AGTPBP1: variants seen among roughly 807,000 people sequenced by gnomAD.
AGTPBP1 encodes the protein ATP/GTP binding carboxypeptidase 1, also known as cytosolic carboxypeptidase 1.
AGTPBP1 carries 70 observed loss-of-function variants against 143.9 expected under a neutral mutation model. The ratio of observed to expected loss-of-function variants is 0.49; its 90% CI spans 0.40 to 0.59. The LOEUF (loss-of-function observed/expected upper bound fraction) is 0.59, where lower values mean the gene tolerates loss of function less well. AGTPBP1 is among the 20% of genes least tolerant of loss of function. AGTPBP1 has a pLI of 0.00. For synonymous variants in AGTPBP1, 463 were observed against 500.2 expected, an observed-to-expected ratio of 0.93 and a Z score of 0.99; for missense variants, 1,229 against 1,464.5, an observed-to-expected ratio of 0.84 and a Z score of 2.62.
intron 1 of AGTPBP1, among the ~76,000 whole-genome samples, chr9:85,724,081 G>A (rs1248651243): frequency 1.3e-5 from 2 of 152,092 alleles, no homozygotes; most frequent in Admixed American, 1.3e-4. Context: ...GAGGTCAGGA[G>A]TTCAAAACCA....
intron 1 of AGTPBP1, among the ~76,000 whole-genome samples, chr9:85,724,855 T>A (rs1260180579): frequency 1.3e-5 from 2 of 152,234 alleles, no homozygotes; most frequent in South Asian, 2.1e-4. Context: ...ATAAATTTTT[T>A]AATTAATGAA....
intron 8 of AGTPBP1, among the ~76,000 whole-genome samples, chr9:85,666,657 T>G (rs1834151927): frequency 6.6e-6 from 1 of 152,128 alleles, no homozygotes; most frequent in Admixed American, 6.5e-5. Flanking sequence ...ATGTGGTATA[T>G]TATAAAGATC....
chr9:85,643,072 T>G lies in AGTPBP1; in HGVS notation c.1186-129A>C, dbSNP rs577379666. 39 of 629,832 alleles carry G rather than the reference T, an allele frequency of 6.2e-5. No homozygotes were observed. In the East Asian group the frequency reaches 1.1e-3, roughly 18 times the overall value. The allele number at this position is 629,832 out of a possible 1,614,324, so 39.0% of individuals were successfully genotyped here. Reference sequence around the variant, plus strand: ...TAAAGAATAATTACTGAATAAATACTGCATTAATTTTATCTTAAATTCAAA... The same window carrying G: ...TAAAGAATAATTACTGAATAAATACGGCATTAATTTTATCTTAAATTCAAA... On this transcript the variant is annotated intron_variant, in intron 12 of 25. Coordinates refer to ENST00000357081, the MANE Select transcript of AGTPBP1 (RefSeq NM_001330701.2).
intron 13 of AGTPBP1, among the ~76,000 whole-genome samples, chr9:85,638,619 C>T (rs984048872): frequency 4.0e-5 from 6 of 151,646 alleles, no homozygotes; most frequent in Admixed American, 1.3e-4. Flanking sequence ...TCGAAGGATA[C>T]TGAAAAGTTA....
the AGTPBP1 span, among the ~76,000 whole-genome samples, chr9:85,796,405 T>A: frequency 6.6e-6 from 1 of 152,180 alleles, no homozygotes; most frequent in Non-Finnish European, 1.5e-5. Context: ...TTTTATGTTG[T>A]TAAAGTGAGA....
At chr9:85,721,490 C>CTTTTTT (rs56681803) in intron 1 of AGTPBP1, among the ~76,000 whole-genome samples, 1 of 133,184 alleles carries the variant, frequency 7.5e-6, no homozygotes, top group Admixed American at 7.5e-5. Context: ...GCAACCCCTG[C>CTTTTTT]TTTTTTTTTT....
At chr9:85,547,558 C>G (rs1018936638) in intron 25 of AGTPBP1, among the ~76,000 whole-genome samples, 3 of 152,116 alleles carry the variant, frequency 2.0e-5, no homozygotes, top group African/African-American at 7.2e-5. Flanking sequence ...ACAGTGAACT[C>G]TCTCATCAGG....
intron 11 of AGTPBP1, among the ~76,000 whole-genome samples, chr9:85,647,865 TAAAG>T (rs1424488981): frequency 6.6e-6 from 1 of 151,902 alleles, no homozygotes; most frequent in African/African-American, 2.4e-5. Flanking sequence ...GAAAGGAAAA[TAAAG>T]AATTAAAAAA....
Position 85,655,233 on chromosome 9 carries a change from G to C in AGTPBP1, c.997C>G (p.Leu333Val), listed in dbSNP as rs749981510. The C allele has an allele frequency of 5.6e-6, 9 of 1,604,616 alleles. No individual in the cohort carries two copies. The highest frequency in any genetic ancestry group is 7.7e-6 in the Non-Finnish European group (9 of 1,175,124). Residue 333 changes from leucine to valine, a missense_variant, in exon 11 of 26, where the codon CTC becomes GTC. Coordinates refer to ENST00000357081, the MANE Select transcript of AGTPBP1 (RefSeq NM_001330701.2). ...RKCFPKNRLP[L>V]PTIKSSFHFQ... ...TGAAAAGAACTTTTAATTGTTGGGA[G>C]TGGCAGTCGATTTTTTGGGAAACAC... is the stretch of plus-strand genomic sequence containing the variant.
At chr9:85,803,238 C>G in the AGTPBP1 span, among the ~76,000 whole-genome samples, 3 of 152,170 alleles carry the variant, frequency 2.0e-5, no homozygotes, top group Non-Finnish European at 4.4e-5. Flanking sequence ...GTCTTAAAGA[C>G]CCTACTACCT....
intron 14 of AGTPBP1, among the ~76,000 whole-genome samples, chr9:85,627,342 C>T (rs998993451): frequency 6.6e-6 from 1 of 152,150 alleles, no homozygotes; most frequent in African/African-American, 2.4e-5. Context: ...AGATGTCTCA[C>T]CACATATATG....
intron 17 of AGTPBP1, among the ~76,000 whole-genome samples, chr9:85,609,847 T>A (rs530559794): frequency 1.5e-5 from 2 of 130,108 alleles, no homozygotes; most frequent in African/African-American, 4.1e-5. Context: ...GGAAACCCAG[T>A]CTATACTGAT....
intron 11 of AGTPBP1, among the ~76,000 whole-genome samples, chr9:85,647,004 G>A (rs939700200): frequency 2.0e-5 from 3 of 152,102 alleles, no homozygotes; most frequent in Non-Finnish European, 2.9e-5. Context: ...GAGGTCAGGC[G>A]CAGTGGCTCA....
intron 25 of AGTPBP1, among the ~76,000 whole-genome samples, chr9:85,569,387 CTATAT>C (rs1243980751): frequency 5.9e-5 from 9 of 151,920 alleles, no homozygotes; most frequent in East Asian, 3.9e-4. Context: ...AATGAATATA[CTATAT>C]TATATTACTA....
chr9:85,682,618 A>G (rs1235203951), intron 3 of AGTPBP1, among the ~76,000 whole-genome samples: 1 of 152,208 alleles, frequency 6.6e-6, no homozygotes, highest in Non-Finnish European at 1.5e-5. Flanking sequence ...AACACAATCA[A>G]CCCACTCTCA....
chr9:85,764,206 T>A, the AGTPBP1 span, among the ~76,000 whole-genome samples: 4,586 of 138,288 alleles, frequency 0.033, 179 homozygotes, highest in African/African-American at 0.11. Flanking sequence ...TTTTTTTTTT[T>A]AAAAAGGCAT....
the AGTPBP1 span, among the ~76,000 whole-genome samples, chr9:85,786,831 A>C: frequency 2.0e-5 from 3 of 152,186 alleles, no homozygotes; most frequent in Non-Finnish European, 4.4e-5. Context: ...TACATTTATA[A>C]ATACGCTTAA....
the AGTPBP1 span, among the ~76,000 whole-genome samples, chr9:85,752,236 AG>A: frequency 6.6e-6 from 1 of 151,776 alleles, no homozygotes; most frequent in Non-Finnish European, 1.5e-5. Context: ...GACTTTGTCT[AG>A]AAAAAAAAAA....
At chr9:85,582,842 AG>A (rs1439796474) in intron 23 of AGTPBP1, among the ~76,000 whole-genome samples, 1 of 152,178 alleles carries the variant, frequency 6.6e-6, no homozygotes, top group Non-Finnish European at 1.5e-5. Flanking sequence ...GCAAAAAAAA[AG>A]GTTCCATGGT....
Sources: gnomAD v4.1 joint callset for allele counts (sites outside exome capture counted in the v4.1 genomes callset) on GRCh38, gnomAD v4.1.1 for gene constraint, MANE v1.5 for transcripts, NCBI Gene and HGNC (gene_info 2026-07-23, HGNC 2026-07-21) for gene names.